The following TDRD12 variants were observed in gnomAD, a reference collection of about 807,000 sequenced individuals.
TDRD12 encodes the protein tudor domain containing 12.
A neutral mutation model predicts 133.5 loss-of-function variants in TDRD12; 158 were observed. The ratio of observed to expected loss-of-function variants is 1.18; its 90% CI spans 1.04 to 1.35. The LOEUF (loss-of-function observed/expected upper bound fraction) is 1.35, where lower values mean the gene tolerates loss of function less well. TDRD12 is among the 40% of genes most tolerant of loss of function. The pLI is 0.00. For synonymous variants in TDRD12, 460 were observed against 477.9 expected (o/e 0.96, Z 0.49); for missense variants, 1,443 against 1,321.3 (o/e 1.09, Z -1.43).
intron 4 of TDRD12, among the ~76,000 whole-genome samples, chr19:32,744,520 A>AAAAAC (rs1238959159): frequency 4.0e-5 from 6 of 150,982 alleles, no homozygotes; most frequent in East Asian, 1.9e-4. Context: ...AAAAAAAAAA[A>AAAAAC]AAAACAAAAG....
intron 8 of TDRD12, among the ~76,000 whole-genome samples, chr19:32,759,997 C>T (rs1273641429): frequency 6.6e-6 from 1 of 152,224 alleles, no homozygotes; most frequent in African/African-American, 2.4e-5. Context: ...AGGGGGTCCC[C>T]AGGTGAGAAT....
intron 11 of TDRD12, among the ~76,000 whole-genome samples, chr19:32,788,694 G>A (rs1970980642): frequency 6.6e-6 from 1 of 152,124 alleles, no homozygotes; most frequent in Non-Finnish European, 1.5e-5. Context: ...TTCCTTAGAT[G>A]TCATGCAGTC....
chr19:32,748,516 C>G, exon 5 of TDRD12: 1 of 1,551,690 alleles, frequency 6.4e-7, no homozygotes, highest in Non-Finnish European at 8.7e-7. Flanking sequence ...TCAGTACTTT[C>G]AGAACCTTCT....
intron 8 of TDRD12, among the ~76,000 whole-genome samples, chr19:32,759,068 C>T: frequency 6.6e-6 from 1 of 152,066 alleles, no homozygotes; most frequent in East Asian, 1.9e-4. Flanking sequence ...ATGGTGAAAC[C>T]CCGTCTCTAC....
chr19:32,818,857 A>C (rs1405807705), intron 27 of TDRD12, among the ~76,000 whole-genome samples: 1 of 151,688 alleles, frequency 6.6e-6, no homozygotes, highest in South Asian at 2.1e-4. Flanking sequence ...AGTGAGGACC[A>C]AGACAGACAG....
chr19:32,739,453 T>C (rs1969329404), intron 3 of TDRD12, among the ~76,000 whole-genome samples: 1 of 148,642 alleles, frequency 6.7e-6, no homozygotes, highest in South Asian at 2.1e-4. Context: ...TCCTGGCTGC[T>C]CTCTGCATCT....
At chr19:32,752,370 G>A (rs1027494771) in intron 6 of TDRD12, among the ~76,000 whole-genome samples, 1 of 151,676 alleles carries the variant, frequency 6.6e-6, no homozygotes, top group Non-Finnish European at 1.5e-5. Flanking sequence ...AGTAGAGATG[G>A]GGTTTCACCA....
chr19:32,720,043 G>A, exon 1 of TDRD12: 1 of 1,547,680 alleles, frequency 6.5e-7, no homozygotes, highest in Non-Finnish European at 8.7e-7. Context: ...CCAGGGCGAG[G>A]GGGCCCATCT....
intron 11 of TDRD12, among the ~76,000 whole-genome samples, chr19:32,787,659 T>G (rs1394500751): frequency 2.0e-5 from 3 of 152,164 alleles, no homozygotes; most frequent in Non-Finnish European, 4.4e-5. Flanking sequence ...TGGACACCCC[T>G]CCCCACACCA....
chr19:32,729,101 C>A (rs1174692915), intron 1 of TDRD12, among the ~76,000 whole-genome samples: 1 of 149,190 alleles, frequency 6.7e-6, no homozygotes, highest in African/African-American at 2.5e-5. Flanking sequence ...CTCTAACCAT[C>A]TCATCTTTAA....
rs556555985 is a variant in TDRD12 at position 32,815,782 on chromosome 19, T to C, written c.3314+162T>C. ...AGGCCAAGGTGGGCGGCTCACGAGG[T>C]CAGGAGATCAAGACCATCCTGGCCA... is the stretch of plus-strand genomic sequence containing the variant. On this transcript the variant is annotated intron_variant, in intron 26 of 27. Transcript: ENST00000444215. Among the ~76,000 whole-genome samples, 6 of 152,252 alleles carry C rather than the reference T, an allele frequency of 3.9e-5. No individual in the cohort carries two copies. In the South Asian group the frequency reaches 1.2e-3, roughly 32 times the overall value.
At position 32,777,235 on chromosome 19, in the gene TDRD12, A is replaced by T; in HGVS notation, c.1121+6A>T. ...GAGAAGAATAGCTGTGTGAAGTAAG[A>T]ATTTTTTCCTTGGCCTGAATTGTGT... On this transcript the variant is annotated splice_donor_region_variant and intron_variant, in intron 11 of 27. Transcript: ENST00000444215. 6.7e-7 allele frequency: 1 copy of T among 1,499,956 alleles called. No individual in the cohort carries two copies. The highest frequency in any genetic ancestry group is 8.9e-7 in the Non-Finnish European group (1 of 1,117,842). 92.9% of individuals were successfully genotyped at this position (1,499,956 alleles called of 1,614,324 possible). A position where few individuals can be genotyped will look rare whatever the true frequency, so the allele number is the denominator to read the frequency against.
chr19:32,745,999 TGA>T (rs71176150), intron 4 of TDRD12, among the ~76,000 whole-genome samples: 54,512 of 114,980 alleles, frequency 0.47, 13,134 homozygotes, highest in East Asian at 0.55. Flanking sequence ...TGTGTGTGTG[TGA>T]GAGAGAGAAG....
At chr19:32,769,864 G>A (rs977050434) in intron 8 of TDRD12, among the ~76,000 whole-genome samples, 8 of 152,176 alleles carry the variant, frequency 5.3e-5, no homozygotes, top group South Asian at 2.1e-4. Flanking sequence ...TCGAACTCCC[G>A]ACCTCAGGTG....
intron 4 of TDRD12, among the ~76,000 whole-genome samples, chr19:32,747,696 G>C (rs568741407): frequency 6.6e-6 from 1 of 152,272 alleles, no homozygotes; most frequent in South Asian, 2.1e-4. Context: ...AGGGTCAGCA[G>C]AGTGAGGAAC....
At chr19:32,783,573 A>G (rs1311783231) in intron 11 of TDRD12, among the ~76,000 whole-genome samples, 1 of 151,682 alleles carries the variant, frequency 6.6e-6, no homozygotes, top group Non-Finnish European at 1.5e-5. Context: ...CATTTTCACG[A>G]TATCGATTCT....
At chr19:32,762,960 C>A (rs772493341) in intron 8 of TDRD12, among the ~76,000 whole-genome samples, 7 of 152,134 alleles carry the variant, frequency 4.6e-5, no homozygotes, top group Non-Finnish European at 8.8e-5. Context: ...GTATTGAATG[C>A]TGTAGGCAGC....
chr19:32,739,132 G>A lies in TDRD12; in HGVS notation c.320+140G>A, dbSNP rs1969314505. The A allele has an allele frequency of 3.1e-5, 34 of 1,085,284 alleles. 1 individual carries two copies. In the South Asian group the frequency reaches 4.9e-4, roughly 16 times the overall value. 67.2% of individuals were successfully genotyped at this position (1,085,284 alleles called of 1,614,324 possible). A position where few individuals can be genotyped will look rare whatever the true frequency, so the allele number is the denominator to read the frequency against. ...ACTGGAGTTCTTTAGCTTCCAGAAG[G>A]GGTGCTTTCTGGGTTTCAGGTCTGC... On this transcript the variant is annotated intron_variant, in intron 3 of 27. Transcript: ENST00000444215.
downstream of TDRD12, among the ~76,000 whole-genome samples, chr19:32,821,471 C>G (rs548796379): frequency 1.3e-5 from 2 of 152,010 alleles, no homozygotes; most frequent in Non-Finnish European, 2.9e-5. Context: ...AGTCTCCTGT[C>G]CGGAACCCTC....
Sources: gnomAD v4.1 joint callset for allele counts (sites outside exome capture counted in the v4.1 genomes callset) on GRCh38, gnomAD v4.1.1 for gene constraint, MANE v1.5 for transcripts, NCBI Gene and HGNC (gene_info 2026-07-23, HGNC 2026-07-21) for gene names.